The following FAM200B variants were observed in gnomAD, a reference collection of about 807,000 sequenced individuals.
FAM200B encodes the protein protein FAM200B.
Under a neutral mutation model 33.1 loss-of-function variants are expected in FAM200B, and 32 were observed. That is an observed-to-expected ratio of 0.97 (90% CI 0.73 to 1.30). The LOEUF (loss-of-function observed/expected upper bound fraction) is 1.30. Among genes scored for constraint, FAM200B ranks in the 50% most tolerant of loss-of-function variants. FAM200B has a pLI of 0.00. For synonymous variants in FAM200B, 240 were observed against 264.8 expected (o/e 0.91, Z 0.91); for missense variants, 741 against 754.0 (o/e 0.98, Z 0.20).
At chr4:15,680,930 T>C (rs1718225808), upstream of FAM200B, among the ~76,000 whole-genome samples, 2 of 148,688 alleles carry the variant, frequency 1.3e-5, no homozygotes, top group South Asian at 2.1e-4. Context: ...AGAATATATA[T>C]ATATTCTCCT....
At chr4:15,644,065 T>C in the FAM200B span, among the ~76,000 whole-genome samples, 2 of 152,216 alleles carry the variant, frequency 1.3e-5, no homozygotes, top group South Asian at 2.1e-4. Context: ...TCCTGCTGAA[T>C]TGGTTTAGTG....
the FAM200B span, among the ~76,000 whole-genome samples, chr4:15,674,767 A>C: frequency 6.6e-6 from 1 of 151,466 alleles, no homozygotes; most frequent in Non-Finnish European, 1.5e-5. Context: ...CTCCTGCCTC[A>C]GCCTCCCTAG....
At chr4:15,672,299 G>A in the FAM200B span, among the ~76,000 whole-genome samples, 4 of 152,188 alleles carry the variant, frequency 2.6e-5, no homozygotes, top group Non-Finnish European at 4.4e-5. Context: ...ATTCCCAGCC[G>A]TCTCTGAGCA....
At chr4:15,640,677 T>C in the FAM200B span, 1 of 512,692 alleles carries the variant, frequency 2.0e-6, no homozygotes, top group Admixed American at 3.6e-5. Context: ...TGCGTTCTTC[T>C]CTCCATCAAC....
chr4:15,651,432 C>T, the FAM200B span, among the ~76,000 whole-genome samples: 1 of 152,102 alleles, frequency 6.6e-6, no homozygotes, highest in African/African-American at 2.4e-5. Flanking sequence ...TTAAGTAGTT[C>T]GTGAAGATTA....
In FAM200B at chr4:15,687,513, T is replaced by C; in HGVS notation, c.536T>C (p.Val179Ala). ...ATTCTTCCAGCATGTTTGGATATGG[T>C]GCGTACAATATTTGATGATAAATCA... is the stretch of plus-strand genomic sequence containing the variant. ...KIILPACLDMVRTIFDDKSAD... is the reference protein window; with the variant it reads ...KIILPACLDMARTIFDDKSAD... Residue 179 changes from valine to alanine, a missense_variant, in exon 2 of 2, where the codon GTG (valine) becomes GCG (alanine). Physicochemically the swap from Val to Ala is moderately conservative, Grantham distance 64. Transcript: ENST00000422728. 2 of 1,551,024 alleles carry C rather than the reference T, an allele frequency of 1.3e-6. No individual in the cohort carries two copies. Among genetic ancestry groups the C allele is most frequent in the Non-Finnish European group, 1.7e-6 (2 of 1,146,768 alleles).
At chr4:15,652,965 G>C in the FAM200B span, among the ~76,000 whole-genome samples, 7 of 152,098 alleles carry the variant, frequency 4.6e-5, no homozygotes, top group Non-Finnish European at 1.0e-4. Flanking sequence ...AACAAACAAG[G>C]TACTCTTCCT....
chr4:15,673,069 G>A, the FAM200B span, among the ~76,000 whole-genome samples: 2 of 152,134 alleles, frequency 1.3e-5, no homozygotes, highest in East Asian at 1.9e-4. Flanking sequence ...GCCTTCGTCT[G>A]TAATACTTTG....
the FAM200B span, chr4:15,655,155 C>A: frequency 5.3e-6 from 7 of 1,327,844 alleles, no homozygotes; most frequent in African/African-American, 6.6e-5. Context: ...CAGCCCGCTC[C>A]CCATCGCCGC....
At chr4:15,640,188 A>T in the FAM200B span, among the ~76,000 whole-genome samples, 1 of 152,058 alleles carries the variant, frequency 6.6e-6, no homozygotes, top group Non-Finnish European at 1.5e-5. Flanking sequence ...TGACAGGCAC[A>T]TGCCACCATG....
At chr4:15,643,309 T>G in the FAM200B span, among the ~76,000 whole-genome samples, 1 of 152,218 alleles carries the variant, frequency 6.6e-6, no homozygotes, top group Non-Finnish European at 1.5e-5. Context: ...TTCCAGAACA[T>G]AAATCTCCAG....
the FAM200B span, among the ~76,000 whole-genome samples, chr4:15,656,784 G>T: frequency 6.6e-6 from 1 of 151,120 alleles, no homozygotes; most frequent in African/African-American, 2.4e-5. Context: ...TTATATATTT[G>T]AAGCACTTAT....
At chr4:15,666,419 C>T in the FAM200B span, among the ~76,000 whole-genome samples, 1 of 151,906 alleles carries the variant, frequency 6.6e-6, no homozygotes, top group Non-Finnish European at 1.5e-5. Flanking sequence ...AATAAAGACA[C>T]ATACCACATG....
the FAM200B span, among the ~76,000 whole-genome samples, chr4:15,653,188 AT>A: frequency 6.6e-6 from 1 of 152,108 alleles, no homozygotes; most frequent in Non-Finnish European, 1.5e-5. Flanking sequence ...CAACAATCTC[AT>A]TAACTATATC....
the FAM200B span, among the ~76,000 whole-genome samples, chr4:15,668,730 CA>C: frequency 6.6e-6 from 1 of 152,164 alleles, no homozygotes; most frequent in African/African-American, 2.4e-5. Flanking sequence ...AAAATACATT[CA>C]AGTTCCCAGA....
At chr4:15,662,322 G>T in the FAM200B span, among the ~76,000 whole-genome samples, 1 of 150,576 alleles carries the variant, frequency 6.6e-6, no homozygotes, top group Admixed American at 6.6e-5. Flanking sequence ...GTTCAAAGGT[G>T]GTGGCACTTG....
the FAM200B span, among the ~76,000 whole-genome samples, chr4:15,669,237 C>T: frequency 6.6e-6 from 1 of 152,172 alleles, no homozygotes; most frequent in Admixed American, 6.5e-5. Flanking sequence ...ATATATACAG[C>T]CTCTTGCTCC....
the FAM200B span, among the ~76,000 whole-genome samples, chr4:15,666,597 C>A: frequency 7.9e-5 from 12 of 152,024 alleles, no homozygotes. Flanking sequence ...AGGGTGATTA[C>A]AGTCAATAAT....
chr4:15,677,008 T>G (rs936879821), upstream of FAM200B, among the ~76,000 whole-genome samples: 2 of 152,188 alleles, frequency 1.3e-5, no homozygotes, highest in African/African-American at 4.8e-5. Context: ...AAAGCATACA[T>G]GCACTACAAC....
Sources: allele counts gnomAD v4.1 joint callset (sites outside exome capture counted in the v4.1 genomes callset), GRCh38; gene constraint gnomAD v4.1.1; transcripts MANE v1.5; gene names NCBI Gene and HGNC (gene_info 2026-07-23, HGNC 2026-07-21).